Variants in TEX52 observed in about 807,000 individuals in gnomAD.
The protein encoded by TEX52 is testis-expressed protein 52.
Under a neutral mutation model 17.6 loss-of-function variants are expected in TEX52, and 22 were observed. The ratio of observed to expected loss-of-function variants is 1.25; its 90% CI spans 0.89 to 1.78. TEX52 has a LOEUF of 1.78. Among genes scored for constraint, TEX52 ranks in the 40% most tolerant of loss-of-function variants. TEX52 has a pLI of 0.00. For missense variants in TEX52, 396 were observed against 372.3 expected (o/e 1.06, Z -0.52); for synonymous variants, 168 against 147.4 (o/e 1.14, Z -1.01).
At chr12:2,853,048 T>A (rs2098076101) in intron 2 of TEX52, among the ~76,000 whole-genome samples, 1 of 151,960 alleles carries the variant, frequency 6.6e-6, no homozygotes, top group African/African-American at 2.4e-5. Context: ...TAGTTTCTAC[T>A]CAGAAGGTCC....
intron 2 of TEX52, 73 bp downstream of exon 2, chr12:2,854,823 A>G: frequency 1.4e-6 from 2 of 1,415,828 alleles, no homozygotes; most frequent in South Asian, 1.4e-5. Flanking sequence ...GGTTAGAAAC[A>G]GGAACCTGAG....
intron 1 of TEX52, among the ~76,000 whole-genome samples, chr12:2,856,253 T>C (rs1426008336): frequency 6.6e-6 from 1 of 152,202 alleles, no homozygotes; most frequent in Non-Finnish European, 1.5e-5. Flanking sequence ...CTGTCTGTGC[T>C]CTTGCTTGGC....
chr12:2,849,611 G>A, intron 2 of TEX52, 86 bp from the exon 3 acceptor site: 1 of 1,437,144 alleles, frequency 7.0e-7, no homozygotes, highest in South Asian at 1.3e-5. Context: ...GAAGGGTGAT[G>A]CCGCTGTCCA....
chr12:2,851,945 C>G (rs998915769), intron 2 of TEX52, among the ~76,000 whole-genome samples: 12 of 150,998 alleles, frequency 7.9e-5, no homozygotes, highest in Admixed American at 2.6e-4. Context: ...TTCCAAAGTG[C>G]TGGGATTACA....
downstream of TEX52, among the ~76,000 whole-genome samples, chr12:2,848,281 A>T (rs1045145257): frequency 6.6e-6 from 1 of 152,034 alleles, no homozygotes; most frequent in African/African-American, 2.4e-5. Flanking sequence ...GGAGGAGGTG[A>T]GGTAGGGCCC....
chr12:2,852,730 C>G (rs537280168), intron 2 of TEX52, among the ~76,000 whole-genome samples: 2 of 152,164 alleles, frequency 1.3e-5, no homozygotes, highest in South Asian at 4.2e-4. Context: ...TGAGGCCGGG[C>G]ACGGTGGCTC....
intron 2 of TEX52, among the ~76,000 whole-genome samples, chr12:2,853,283 T>TG (rs1347911290): frequency 6.9e-6 from 1 of 145,594 alleles, no homozygotes; most frequent in Non-Finnish European, 1.5e-5. Context: ...TGGTTTTTTG[T>TG]TTTTTTTTTT....
Position 2,849,245 on chromosome 12 carries a change from G to A in TEX52, c.904C>T (p.Pro302Ser). ...TGGAAGCCCTTCTAGAAGTGTCCAG[G>A]TCTTCTCTTCCTCTTCCTTGCTGGG... ...KSPARKRKRR[P>S]GHF Residue 302 changes from proline to serine, a missense_variant, in exon 3 of 3, where the codon CCT becomes TCT. Transcript: ENST00000637658. 5 of 1,535,928 alleles carry A rather than the reference G, an allele frequency of 3.3e-6. No individual in the cohort carries two copies. The highest frequency in any genetic ancestry group is 4.4e-6 in the Non-Finnish European group (5 of 1,146,868).
chr12:2,855,518 C>CTCT, intron 1 of TEX52, 72 bp from the exon 2 acceptor site: 1 of 1,208,494 alleles, frequency 8.3e-7, no homozygotes, highest in Non-Finnish European at 1.1e-6. Flanking sequence ...TGAGGCACTC[C>CTCT]GCTCTCCTTC....
At chr12:2,850,275 A>G (rs912395384) in intron 2 of TEX52, among the ~76,000 whole-genome samples, 2 of 152,056 alleles carry the variant, frequency 1.3e-5, no homozygotes, top group African/African-American at 4.8e-5. Context: ...AGAGTTCGAG[A>G]CCAGCCTGGC....
At chr12:2,848,740 G>A (rs188489550), downstream of TEX52, among the ~76,000 whole-genome samples, 2 of 152,206 alleles carry the variant, frequency 1.3e-5, no homozygotes, top group African/African-American at 4.8e-5. Context: ...TGGCATTTTG[G>A]TTATTTTTGC....
At chr12:2,854,773 T>G in intron 2 of TEX52, 123 bp downstream of exon 2, 1 of 1,007,574 alleles carries the variant, frequency 9.9e-7, no homozygotes, top group Non-Finnish European at 1.4e-6. Context: ...AGAAAAGAGT[T>G]TGGTTTTCAG....
intron 2 of TEX52, 143 bp from the exon 3 acceptor site, chr12:2,849,668 A>G (rs916320415): frequency 1.1e-6 from 1 of 910,342 alleles, no homozygotes; most frequent in East Asian, 2.6e-5. Flanking sequence ...CTGTCTCTCC[A>G]CCTAATCGGA....
Position 2,854,878 on chromosome 12 carries a change from G to A in TEX52, c.623+18C>T. On this transcript the variant is annotated intron_variant, in intron 2 of 2. Transcript: ENST00000637658. ...GCAGGGCAGGCTGGGTGGGCTCCCT[G>A]AGGAGGCACCGTCTTACTTCTTGAA... 6.6e-7 allele frequency: 1 copy of A among 1,522,566 alleles called. No individual in the cohort carries two copies. 94.3% of individuals were successfully genotyped at this position (1,522,566 alleles called of 1,614,324 possible).
rs1484617572 is a variant in TEX52 at position 2,856,964 on chromosome 12, A to G, written c.63T>C (p.Pro21=). 1.4e-6 allele frequency: 1 copy of G among 703,014 alleles called. No individual in the cohort carries two copies. The allele number at this position is 703,014 out of a possible 1,614,324, so 43.5% of individuals were successfully genotyped here. A position where few individuals can be genotyped will look rare whatever the true frequency, so the allele number is the denominator to read the frequency against. Residue 21 remains proline, a synonymous_variant, in exon 1 of 3, where the codon CCT becomes CCC. Transcript: ENST00000637658. ...GPSHPSHMEE[P]FLQMVQASES... ...ATGGGCCACCCCCTACCTGCAGGAA[A>G]GGTTCTTCCATATGAGATGGGTGAC...
chr12:2,855,512 G>C, intron 1 of TEX52, 66 bp from the exon 2 acceptor site: 1 of 1,259,786 alleles, frequency 7.9e-7, no homozygotes, highest in Non-Finnish European at 1.0e-6. Flanking sequence ...GGTGGGTGAG[G>C]CACTCCGCTC....
chr12:2,855,339 G>T lies in TEX52; in HGVS notation c.180C>A (p.Tyr60Ter). ...WEFPGFTRQA[Y>*]HQLALKLPPC... ...GCGGCAGCTTCAGAGCCAGCTGGTGGTAGGCTTGCCGGGTGAAGCCAGGGA... is the reference window on the plus strand; with the variant it reads ...GCGGCAGCTTCAGAGCCAGCTGGTGTTAGGCTTGCCGGGTGAAGCCAGGGA... The change falls in exon 2 of 3, where the codon TAC becomes TAA. Residue 60 changes from tyrosine to a stop codon, truncating the protein, a stop_gained. Transcript: ENST00000637658. LOFTEE classifies it high-confidence loss of function. The T allele has an allele frequency of 1.4e-6, 2 of 1,434,030 alleles. No homozygotes were observed. Among genetic ancestry groups the T allele is most frequent in the East Asian group, 6.1e-5 (2 of 32,574 alleles). The allele number at this position is 1,434,030 out of a possible 1,614,324, so 88.8% of individuals were successfully genotyped here. A position where few individuals can be genotyped will look rare whatever the true frequency, so the allele number is the denominator to read the frequency against.
At chr12:2,850,923 T>C (rs56395713) in intron 2 of TEX52, among the ~76,000 whole-genome samples, 2 of 151,576 alleles carry the variant, frequency 1.3e-5, no homozygotes, top group Non-Finnish European at 2.9e-5. Flanking sequence ...TCGCCCGCCT[T>C]GGCCTCCCAA....
intron 2 of TEX52, among the ~76,000 whole-genome samples, chr12:2,853,024 A>T (rs1411496480): frequency 6.6e-6 from 1 of 152,054 alleles, no homozygotes; most frequent in Non-Finnish European, 1.5e-5. Context: ...AACAAAAAAA[A>T]ACGGGGTTAA....
Sources: gnomAD v4.1 joint callset for allele counts (sites outside exome capture counted in the v4.1 genomes callset) on GRCh38, gnomAD v4.1.1 for gene constraint, MANE v1.5 for transcripts, NCBI Gene and HGNC (gene_info 2026-07-23, HGNC 2026-07-21) for gene names.